ASCC3: variants seen among roughly 807,000 people sequenced by gnomAD.
ASCC3 encodes the protein activating signal cointegrator 1 complex subunit 3, also known as ASC-1 complex subunit P200.
Under a neutral mutation model 256.3 loss-of-function variants are expected in ASCC3, and 158 were observed. The ratio of observed to expected loss-of-function variants is 0.62; its 90% CI spans 0.54 to 0.70. ASCC3 has a LOEUF of 0.70. Among genes scored for constraint, ASCC3 ranks in the 30% least tolerant of loss-of-function variants. ASCC3 has a pLI of 0.00. For missense variants in ASCC3, 2,259 were observed against 2,626.0 expected (o/e 0.86, Z 3.05); for synonymous variants, 948 against 883.4 (o/e 1.07, Z -1.30).
chr6:100,749,589 G>T (rs1780844462), intron 10 of ASCC3, among the ~76,000 whole-genome samples: 1 of 151,906 alleles, frequency 6.6e-6, no homozygotes, highest in Non-Finnish European at 1.5e-5. Context: ...AACATACCTT[G>T]AAAATGACCT....
intron 13 of ASCC3, among the ~76,000 whole-genome samples, chr6:100,694,280 A>T (rs558081685): frequency 1.6e-4 from 24 of 151,708 alleles, no homozygotes; most frequent in Non-Finnish European, 2.9e-4. Context: ...TAGCCTGGGC[A>T]ACAAAGGGAG....
intron 8 of ASCC3, among the ~76,000 whole-genome samples, chr6:100,778,608 GTAAC>G (rs1176345086): frequency 6.6e-6 from 1 of 151,948 alleles, no homozygotes; most frequent in Non-Finnish European, 1.5e-5. Flanking sequence ...ATTGTTATAA[GTAAC>G]TAGTCACAAG....
Position 100,848,375 on chromosome 6 carries a change from T to G in ASCC3, c.574A>C (p.Ile192Leu). Residue 192 changes from isoleucine (I) to leucine (L), a missense_variant, in exon 4 of 42, where the codon ATA (isoleucine) becomes CTA (leucine). Around this residue, in one of 2 missense-constraint regions of ASCC3, gnomAD observed 420 missense variants for 419.3 expected, o/e 1.00. Transcript: ENST00000369162. ...LPINGETQKT[I>L]SLDYKKFLNE... The stretch of plus-strand genomic sequence containing the variant: ...AGAAACTTCTTATAATCTAGGCTTA[T>G]AGTTTTCTGAGTTTCACCATTTATT... The G allele has an allele frequency of 6.2e-7, 1 of 1,613,966 alleles. No individual in the cohort carries two copies. Among genetic ancestry groups the G allele is most frequent in the East Asian group, 2.2e-5 (1 of 44,868 alleles).
intron 37 of ASCC3, among the ~76,000 whole-genome samples, chr6:100,523,259 G>A (rs1316954546): frequency 6.6e-6 from 1 of 151,822 alleles, no homozygotes; most frequent in Non-Finnish European, 1.5e-5. Flanking sequence ...GTTTCATTAG[G>A]TGCTTTTTAA....
intron 34 of ASCC3, among the ~76,000 whole-genome samples, chr6:100,595,307 C>T (rs1384913421): frequency 2.0e-5 from 3 of 151,380 alleles, no homozygotes; most frequent in Admixed American, 6.6e-5. Flanking sequence ...ACATTGTACA[C>T]CATAATATAA....
chr6:100,583,049 T>C (rs936711275), intron 36 of ASCC3, among the ~76,000 whole-genome samples: 3 of 152,180 alleles, frequency 2.0e-5, no homozygotes, highest in African/African-American at 7.2e-5. Context: ...TAAAATTCTC[T>C]TTTTTGGTTG....
rs797002580 is a variant in ASCC3 at position 100,824,910 on chromosome 6, G to GT, written c.802-19031dup. ...AGGATTAGTTTTTTGTTTCTTTTTG[G>GT]TTTTTTTGCAAGCTTAATGTGAATA... On this transcript the variant is annotated intron_variant, in intron 4 of 41. Transcript: ENST00000369162. Among the ~76,000 whole-genome samples, 38 of 151,964 alleles carry GT rather than the reference G, an allele frequency of 2.5e-4. 1 individual carries two copies. The highest frequency in any genetic ancestry group is 9.7e-4 in the East Asian group (5 of 5,178).
chr6:100,659,414 T>C (rs1475212207), intron 16 of ASCC3, among the ~76,000 whole-genome samples: 1 of 151,482 alleles, frequency 6.6e-6, no homozygotes, highest in Non-Finnish European at 1.5e-5. Context: ...TAGATTAGAA[T>C]ATGAGCAAGT....
At position 100,629,176 on chromosome 6, in the gene ASCC3, A is replaced by G. The variant is rs764766304; in HGVS notation, c.4214T>C (p.Ile1405Thr). 56 of 1,613,038 alleles carry G rather than the reference A, an allele frequency of 3.5e-5. No individual in the cohort carries two copies. Among genetic ancestry groups the G allele is most frequent in the Middle Eastern group, 1.7e-4 (1 of 6,060 alleles). ...RIEEKLGKKV[I>T]ELTGDVTPDM... ...AGGAGTCACATCCCCTGTTAGTTCA[A>G]TAACTCTGGAGGGAAATATAACAAT... Residue 1405 changes from isoleucine to threonine, a missense_variant, in exon 27 of 42, where the codon ATT becomes ACT. By Grantham distance (89) the Ile-to-Thr change is moderately conservative. Coordinates refer to ENST00000369162, the MANE Select transcript of ASCC3 (RefSeq NM_006828.4).
At chr6:100,516,899 C>T (rs1333251087) in intron 38 of ASCC3, among the ~76,000 whole-genome samples, 1 of 151,878 alleles carries the variant, frequency 6.6e-6, no homozygotes, top group Non-Finnish European at 1.5e-5. Flanking sequence ...ATCTCTTAGG[C>T]CCCAAGCAGC....
chr6:100,832,869 A>G (rs1479093080), intron 4 of ASCC3, among the ~76,000 whole-genome samples: 1 of 152,170 alleles, frequency 6.6e-6, no homozygotes, highest in Non-Finnish European at 1.5e-5. Context: ...AATAAAAACT[A>G]CACAGCAAAT....
rs565522776 is a variant in ASCC3, at chr6:100,586,642, A to AG, written c.5550+2991dup. ...CCTGGTGAGATGAACCCGGTACCTC[A>AG]GATGGAAATGCAGAAATCACCCGTC... On this transcript the variant is annotated intron_variant, in intron 36 of 41. Transcript: ENST00000369162. Among the ~76,000 whole-genome samples the AG allele has an allele frequency of 1.1e-3, 175 of 152,268 alleles. 1 individual carries two copies. Among genetic ancestry groups the AG allele is most frequent in the African/African-American group, 3.9e-3 (163 of 41,548 alleles).
intron 34 of ASCC3, among the ~76,000 whole-genome samples, 194 bp downstream of exon 34, chr6:100,601,616 C>T (rs1772618057): frequency 6.6e-6 from 1 of 152,018 alleles, no homozygotes; most frequent in Non-Finnish European, 1.5e-5. Context: ...GGTTAAGTAA[C>T]AAATGCATAT....
intron 10 of ASCC3, among the ~76,000 whole-genome samples, chr6:100,735,900 T>C (rs1780132486): frequency 6.6e-6 from 1 of 152,168 alleles, no homozygotes; most frequent in Admixed American, 6.5e-5. Flanking sequence ...TCAAACCATA[T>C]ACCGTAGTAA....
chr6:100,683,570 A>C (rs1316661917), intron 13 of ASCC3, among the ~76,000 whole-genome samples: 2 of 152,132 alleles, frequency 1.3e-5, no homozygotes, highest in Non-Finnish European at 2.9e-5. Flanking sequence ...TAATTAACTT[A>C]AATAGACTCA....
intron 20 of ASCC3, among the ~76,000 whole-genome samples, chr6:100,649,061 T>A (rs1373772768): frequency 6.6e-6 from 1 of 151,796 alleles, no homozygotes; most frequent in Admixed American, 6.6e-5. Flanking sequence ...ACTGATAGCT[T>A]AAACTTAAAA....
intron 37 of ASCC3, among the ~76,000 whole-genome samples, chr6:100,539,635 G>C (rs1034770900): frequency 2.0e-5 from 3 of 151,998 alleles, no homozygotes; most frequent in Admixed American, 6.6e-5. Flanking sequence ...CACCTCCAGA[G>C]ACCCTACGGT....
intron 4 of ASCC3, among the ~76,000 whole-genome samples, chr6:100,840,590 T>C (rs1010008538): frequency 2.8e-4 from 42 of 149,720 alleles, no homozygotes; most frequent in Middle Eastern, 7.1e-3. Context: ...AAAAACTAGA[T>C]AAAACTTGAA....
intron 8 of ASCC3, 97 bp from the exon 9 acceptor site, chr6:100,767,442 A>G (rs1011332381): frequency 1.6e-6 from 2 of 1,271,766 alleles, no homozygotes; most frequent in East Asian, 2.4e-5. Flanking sequence ...GTTTTTTAAA[A>G]AAAAGACTAA....
Sources: gnomAD v4.1 joint callset for allele counts (sites outside exome capture counted in the v4.1 genomes callset) on GRCh38, gnomAD v4.1.1 for gene constraint, gnomAD v4.1.1 regional missense constraint, MANE v1.5 for transcripts, NCBI Gene and HGNC (gene_info 2026-07-23, HGNC 2026-07-21) for gene names.